The following PPP2R2B variants were observed in gnomAD, a reference collection of about 807,000 sequenced individuals.
PPP2R2B encodes serine/threonine-protein phosphatase 2A 55 kDa regulatory subunit B beta isoform.
A neutral mutation model predicts 46.0 loss-of-function variants in PPP2R2B; 5 were observed. The ratio of observed to expected loss-of-function variants is 0.11; its 90% CI spans 0.06 to 0.23. The LOEUF (loss-of-function observed/expected upper bound fraction) is 0.23. PPP2R2B is among the 10% of genes least tolerant of loss of function. The pLI, the probability that PPP2R2B is intolerant of heterozygous loss-of-function variation, is 1.00. For synonymous variants in PPP2R2B, 215 were observed against 206.7 expected (o/e 1.04, Z -0.34); for missense variants, 367 against 575.0 (o/e 0.64, Z 3.70).
upstream of PPP2R2B, among the ~76,000 whole-genome samples, chr5:147,060,618 T>C (rs78838754): frequency 8.2e-3 from 1,248 of 151,936 alleles, 16 homozygotes; most frequent in African/African-American, 0.028. Context: ...ACAAAGTAAG[T>C]GAGAGTCTGT....
At chr5:146,991,269 C>T (rs1267610446) in intron 1 of PPP2R2B, among the ~76,000 whole-genome samples, 1 of 152,116 alleles carries the variant, frequency 6.6e-6, no homozygotes, top group Non-Finnish European at 1.5e-5. Context: ...GACATCTGCA[C>T]TTCCATGTTT....
intron 2 of PPP2R2B, among the ~76,000 whole-genome samples, chr5:146,711,477 A>G (rs887133049): frequency 6.6e-6 from 1 of 152,230 alleles, no homozygotes; most frequent in Non-Finnish European, 1.5e-5. Flanking sequence ...AATGAGATAC[A>G]TTGCTCAATA....
intron 1 of PPP2R2B, among the ~76,000 whole-genome samples, chr5:146,928,280 AT>A (rs1010727067): frequency 6.6e-6 from 1 of 151,766 alleles, no homozygotes; most frequent in Non-Finnish European, 1.5e-5. Flanking sequence ...TTATATATAT[AT>A]TTTTTTAGAT....
intron 2 of PPP2R2B, among the ~76,000 whole-genome samples, chr5:146,757,394 G>A (rs544829566): frequency 9.9e-5 from 15 of 152,178 alleles, no homozygotes; most frequent in African/African-American, 3.6e-4. Context: ...TGTAGGGTGA[G>A]GATTGTGGAA....
At chr5:146,993,288 G>A (rs1175253851) in intron 1 of PPP2R2B, among the ~76,000 whole-genome samples, 1 of 151,084 alleles carries the variant, frequency 6.6e-6, no homozygotes, top group Non-Finnish European at 1.5e-5. Context: ...TATCACCCAG[G>A]CTAGAGTGCA....
At chr5:146,797,415 T>C (rs886491724) in intron 2 of PPP2R2B, among the ~76,000 whole-genome samples, 1 of 152,214 alleles carries the variant, frequency 6.6e-6, no homozygotes, top group Non-Finnish European at 1.5e-5. Flanking sequence ...AGTCCATGTA[T>C]CCTGAACTCA....
intron 1 of PPP2R2B, among the ~76,000 whole-genome samples, chr5:146,915,481 T>C (rs62373312): frequency 1.8e-5 from 2 of 110,958 alleles, no homozygotes; most frequent in Non-Finnish European, 4.2e-5. Context: ...CACGTACACA[T>C]GTGTGCAATT....
At chr5:147,081,329 T>G (rs1757962143) in exon 1 of PPP2R2B, 1 of 1,529,358 alleles carries the variant, frequency 6.5e-7, no homozygotes, top group Non-Finnish European at 8.8e-7. Flanking sequence ...TACCACGTCC[T>G]GCTGTGAATC....
At chr5:146,803,478 G>C (rs994705593) in intron 2 of PPP2R2B, among the ~76,000 whole-genome samples, 1 of 151,822 alleles carries the variant, frequency 6.6e-6, no homozygotes, top group Non-Finnish European at 1.5e-5. Context: ...GTTTTAATTC[G>C]GCATTTAATA....
chr5:146,662,431 C>T (rs575810582), intron 5 of PPP2R2B, among the ~76,000 whole-genome samples: 1 of 152,286 alleles, frequency 6.6e-6, no homozygotes, highest in African/African-American at 2.4e-5. Context: ...TGATTCCCAA[C>T]CTTGGCTGCA....
At chr5:146,745,204 GAGAA>G (rs151039728) in intron 2 of PPP2R2B, among the ~76,000 whole-genome samples, 11,031 of 55,246 alleles carry the variant, frequency 0.2, 1,040 homozygotes, top group Admixed American at 0.32. Context: ...GAGAGAGAGA[GAGAA>G]AGAGACTATA....
At chr5:146,812,897 G>A (rs1167939116) in intron 2 of PPP2R2B, among the ~76,000 whole-genome samples, 3 of 134,914 alleles carry the variant, frequency 2.2e-5, no homozygotes, top group Non-Finnish European at 4.7e-5. Flanking sequence ...GAACAGTATG[G>A]GGAAAACCAC....
intron 1 of PPP2R2B, among the ~76,000 whole-genome samples, chr5:146,912,189 A>C (rs1228487456): frequency 1.4e-5 from 2 of 142,184 alleles, no homozygotes; most frequent in Non-Finnish European, 3.0e-5. Context: ...CAGTGAGCCG[A>C]GATCGCGCCA....
Position 146,927,038 on chromosome 5 carries a change from C to T in PPP2R2B, c.79+128627G>A, listed in dbSNP as rs150013230. Among the ~76,000 whole-genome samples the T allele has an allele frequency of 4.1e-4, 62 of 152,298 alleles. 1 individual carries two copies. The East Asian group carries it at 0.011, about 26-fold the overall frequency. ...ACAGAGAAGCTACTGGTCATCATGG[C>T]TTGCTGTACCTTGGCAGAACCTATA... On this transcript the variant is annotated intron_variant, in intron 1 of 8. Coordinates refer to the PPP2R2B transcript ENST00000336640.
chr5:146,670,255 C>T (rs1433810623), intron 5 of PPP2R2B, among the ~76,000 whole-genome samples: 1 of 152,008 alleles, frequency 6.6e-6, no homozygotes, highest in South Asian at 2.1e-4. Flanking sequence ...TTCAGAGATT[C>T]CTAAACTGGC....
intron 3 of PPP2R2B, among the ~76,000 whole-genome samples, chr5:146,699,787 C>T (rs1440559131): frequency 1.3e-5 from 2 of 151,300 alleles, no homozygotes; most frequent in South Asian, 2.1e-4. Context: ...AGCCAGTCCA[C>T]CTTAACAATA....
chr5:146,620,701 T>TAGAG (rs1773608848), intron 7 of PPP2R2B, among the ~76,000 whole-genome samples: 2 of 152,138 alleles, frequency 1.3e-5, no homozygotes, highest in South Asian at 4.1e-4. Context: ...CATCACAGGC[T>TAGAG]AGAGACTTCT....
At chr5:146,771,572 T>C (rs1056867977) in intron 2 of PPP2R2B, among the ~76,000 whole-genome samples, 1 of 152,180 alleles carries the variant, frequency 6.6e-6, no homozygotes, top group Non-Finnish European at 1.5e-5. Context: ...CAAACTCAAG[T>C]GTCAATAGAG....
At chr5:146,768,354 T>C (rs1754621896) in intron 2 of PPP2R2B, among the ~76,000 whole-genome samples, 1 of 152,130 alleles carries the variant, frequency 6.6e-6, no homozygotes, top group Admixed American at 6.6e-5. Flanking sequence ...AGAGCCACCA[T>C]GCAAGTCCTA....
Sources: gnomAD v4.1 joint callset for allele counts (sites outside exome capture counted in the v4.1 genomes callset) on GRCh38, gnomAD v4.1.1 for gene constraint, MANE v1.5 for transcripts, NCBI Gene and HGNC (gene_info 2026-07-23, HGNC 2026-07-21) for gene names.